The following SCN1A variants were observed in gnomAD, a reference collection of about 807,000 sequenced individuals.
The protein encoded by SCN1A is sodium channel protein type 1 subunit alpha.
In SCN1A, 13 loss-of-function variants were observed where a neutral mutation model predicts 193.7. That is an observed-to-expected ratio of 0.07 (90% CI 0.04 to 0.11). SCN1A has a LOEUF of 0.11. SCN1A is among the 10% of genes least tolerant of loss of function. The pLI, the probability that SCN1A is intolerant of heterozygous loss-of-function variation, is 1.00. For missense variants in SCN1A, 1,432 were observed against 2,451.1 expected, an observed-to-expected ratio of 0.58 and a Z score of 8.78; for synonymous variants, 781 against 843.6, an observed-to-expected ratio of 0.93 and a Z score of 1.29.
In SCN1A at chr2:166,046,458, G is replaced by T. The variant is rs548471691; in HGVS notation, c.1377+312C>A. ...ATAATTTCTTGTTCTAAGAAAAGAT[G>T]ATTTCCTCCTAATGCCAGTCTACTC... On this transcript the variant is annotated intron_variant, in intron 12 of 28. Coordinates refer to ENST00000674923, the MANE Select transcript of SCN1A (RefSeq NM_001165963.4). 2.0e-5 allele frequency among the ~76,000 whole-genome samples: 3 copies of T among 152,176 alleles called. No individual in the cohort carries two copies. In the South Asian group the frequency reaches 6.2e-4, roughly 32 times the overall value.
At chr2:166,143,797 T>C (rs1310997996) in intron 1 of SCN1A, among the ~76,000 whole-genome samples, 15 of 152,240 alleles carry the variant, frequency 9.9e-5, no homozygotes, top group Non-Finnish European at 1.5e-5. Context: ...TCAAAAAACT[T>C]TGAATAATTA....
At position 166,015,085 on chromosome 2, in the gene SCN1A, G is replaced by A. The variant is rs961070228; in HGVS notation, c.3550+522C>T. On this transcript the variant is annotated intron_variant, in intron 20 of 28. Coordinates refer to ENST00000674923, the MANE Select transcript of SCN1A (RefSeq NM_001165963.4). Reference sequence around the variant, plus strand: ...CAGACCACAGGAAATATTAGTTGTAGGAAAAACATATCTCTTCTATCTATT... The same window carrying A: ...CAGACCACAGGAAATATTAGTTGTAAGAAAAACATATCTCTTCTATCTATT... 2.6e-5 allele frequency among the ~76,000 whole-genome samples: 4 copies of A among 151,928 alleles called. No homozygotes were observed. In the East Asian group the frequency reaches 7.7e-4, roughly 29 times the overall value.
At position 165,991,443 on chromosome 2, in the gene SCN1A, T is replaced by A. The variant is rs1255900122; in HGVS notation, c.5832A>T (p.Lys1944Asn). ...GATTAGCCCCACCTTTGATTTTGTTTTTATTGTACGTAAAGGAAGCTTGTT... is the reference window on the plus strand; with the variant it reads ...GATTAGCCCCACCTTTGATTTTGTTATTATTGTACGTAAAGGAAGCTTGTT... Reference protein sequence around the residue: ...TVKQASFTYNKNKIKGGANLL... With the variant: ...TVKQASFTYNNNKIKGGANLL... Residue 1944 changes from lysine to asparagine, a missense_variant, in exon 29 of 29, where the codon AAA becomes AAT. Physicochemically the swap from Lys to Asn is moderately conservative, Grantham distance 94. Around this residue, in one of 18 missense-constraint regions of SCN1A, gnomAD observed 148 missense variants for 160.3 expected, o/e 0.92. Coordinates refer to ENST00000674923, the MANE Select transcript of SCN1A (RefSeq NM_001165963.4). 2 of 1,613,856 alleles carry A rather than the reference T, an allele frequency of 1.2e-6. No individual in the cohort carries two copies. The highest frequency in any genetic ancestry group is 3.3e-5 in the Admixed American group (2 of 59,936).
In SCN1A at chr2:166,030,451, G is replaced by A. The variant is rs576931980; in HGVS notation, c.3429+5597C>T. Among the ~76,000 whole-genome samples, 13 of 143,356 alleles carry A rather than the reference G, an allele frequency of 9.1e-5. No individual in the cohort carries two copies. The South Asian group carries it at 1.7e-3, about 18-fold the overall frequency. The allele number at this position is 143,356 out of a possible 152,430, so 94.0% of individuals were successfully genotyped here. A position where few individuals can be genotyped will look rare whatever the true frequency, so the allele number is the denominator to read the frequency against. ...CTCATTATTCTAGAGCTCACTCATC[G>A]CAAAAACAAATGTATTTCTTTTATA... On this transcript the variant is annotated intron_variant, in intron 19 of 28. Transcript: ENST00000674923.
intron 2 of SCN1A, among the ~76,000 whole-genome samples, chr2:166,121,364 A>G (rs1420098463): frequency 6.6e-6 from 1 of 152,180 alleles, no homozygotes; most frequent in African/African-American, 2.4e-5. Context: ...AGTTTCAGTT[A>G]CTTATTGTAA....
Position 166,084,931 on chromosome 2 carries a change from A to G in SCN1A, c.-141-7130T>C, listed in dbSNP as rs145341908. ...CCTCAGAATGTGGGCCATACAGTGG[A>G]TGAAGCCCTTTGTTTGGATTAAATG... On this transcript the variant is annotated intron_variant, in intron 2 of 28. Coordinates refer to ENST00000674923, the MANE Select transcript of SCN1A (RefSeq NM_001165963.4). 1.2e-4 allele frequency among the ~76,000 whole-genome samples: 19 copies of G among 152,304 alleles called. No individual in the cohort carries two copies. In the East Asian group the frequency reaches 2.5e-3, roughly 20 times the overall value.
rs1399391997 is a variant in SCN1A at position 166,073,395 on chromosome 2, G to A, written c.227C>T (p.Pro76Leu). Reference protein sequence around the residue: ...GDIPPEMVSEPLEDLDPYYIN... With the variant: ...GDIPPEMVSELLEDLDPYYIN... ...ATAGTAGGGGTCCAGGTCCTCCAGG[G>A]GCTCTGACACCATCTCTGGAGGAAT... The change falls in exon 4 of 29, where the codon CCC (proline) becomes CTC (leucine). Residue 76 changes from proline to leucine, a missense_variant. Pro to Leu is a moderately conservative substitution (Grantham distance 98). This residue lies in a region of SCN1A where 123 missense variants were observed against 282.8 expected (regional missense o/e 0.43). Coordinates refer to ENST00000674923, the MANE Select transcript of SCN1A (RefSeq NM_001165963.4). The A allele has an allele frequency of 6.2e-7, 1 of 1,614,046 alleles. No homozygotes were observed. The highest frequency in any genetic ancestry group is 2.2e-5 in the East Asian group (1 of 44,870).
At chr2:166,059,649 T>C (rs978252068) in intron 4 of SCN1A, 3 of 152,230 alleles carry the variant, frequency 2.0e-5, no homozygotes, top group Non-Finnish European at 2.9e-5. Context: ...TTTAAGCTTC[T>C]TGATTTTAAA....
chr2:166,017,346 T>C (rs1393985916), intron 19 of SCN1A, among the ~76,000 whole-genome samples: 1 of 151,910 alleles, frequency 6.6e-6, no homozygotes, highest in African/African-American at 2.4e-5. Context: ...TTAAAACATA[T>C]CCAGGAATAA....
At chr2:166,116,901 A>C (rs1385891600) in intron 2 of SCN1A, among the ~76,000 whole-genome samples, 1 of 152,200 alleles carries the variant, frequency 6.6e-6, no homozygotes, top group African/African-American at 2.4e-5. Context: ...TAATGGGATG[A>C]GTGCTTGGCT....
At chr2:166,098,767 C>T (rs542576850) in intron 2 of SCN1A, among the ~76,000 whole-genome samples, 7 of 152,004 alleles carry the variant, frequency 4.6e-5, no homozygotes, top group East Asian at 3.9e-4. Context: ...ACGATAGCCA[C>T]GAAAAGTATA....
At chr2:166,044,947 A>C in intron 13 of SCN1A, 96 bp downstream of exon 13, 1 of 1,302,766 alleles carries the variant, frequency 7.7e-7, no homozygotes, top group South Asian at 1.2e-5. Flanking sequence ...TGGTTGATTC[A>C]GTTGATAAAA....
chr2:166,096,585 GATC>G (rs1463318645), intron 2 of SCN1A, among the ~76,000 whole-genome samples: 2 of 152,232 alleles, frequency 1.3e-5, no homozygotes, highest in East Asian at 1.9e-4. Context: ...CAGCCTGAGA[GATC>G]ATGTTTTTTA....
chr2:166,037,409 G>A (rs1017751971), intron 18 of SCN1A, among the ~76,000 whole-genome samples: 1 of 151,922 alleles, frequency 6.6e-6, no homozygotes, highest in Non-Finnish European at 1.5e-5. Flanking sequence ...TCTCTTCCTT[G>A]GCTCTGAATT....
At chr2:166,138,590 A>T (rs761217894) in intron 1 of SCN1A, among the ~76,000 whole-genome samples, 1 of 152,198 alleles carries the variant, frequency 6.6e-6, no homozygotes, top group Non-Finnish European at 1.5e-5. Context: ...CTCTGCCTAG[A>T]TTTCAGAAGA....
chr2:166,078,705 T>C (rs1685210265), intron 2 of SCN1A, among the ~76,000 whole-genome samples: 1 of 151,696 alleles, frequency 6.6e-6, no homozygotes, highest in African/African-American at 2.4e-5. Context: ...CATAAAGATA[T>C]TAATTTTCCC....
rs757851017 is a variant in SCN1A at position 166,039,492 on chromosome 2, C to A, written c.2520G>T (p.Val840=). Residue 840 remains valine (V), a synonymous_variant, in exon 17 of 29, where the codon GTG becomes GTT. Coordinates refer to ENST00000674923, the MANE Select transcript of SCN1A (RefSeq NM_001165963.4). ...EGWNIFDGFI[V]TLSLVELGLA... is the part of the protein sequence containing the mutation. The stretch of plus-strand genomic sequence containing the variant: ...GTCCAAGTTCTACCAGGCTAAGCGT[C>A]ACAATAAAACCGTCAAAGATATTCC... The A allele has an allele frequency of 7.4e-6, 12 of 1,613,116 alleles. No homozygotes were observed. The highest frequency in any genetic ancestry group is 5.0e-5 in the Admixed American group (3 of 59,934).
chr2:166,102,217 C>G (rs965501561), intron 2 of SCN1A, among the ~76,000 whole-genome samples: 1 of 152,178 alleles, frequency 6.6e-6, no homozygotes, highest in Non-Finnish European at 1.5e-5. Context: ...AAGTCATGGG[C>G]GGGGCGCGGT....
chr2:166,139,830 C>A (rs1328491725), intron 1 of SCN1A, among the ~76,000 whole-genome samples: 2 of 152,096 alleles, frequency 1.3e-5, no homozygotes, highest in African/African-American at 2.4e-5. Context: ...GTCCCTCCCA[C>A]AACACATGGG....
Sources: gnomAD v4.1 joint callset for allele counts (sites outside exome capture counted in the v4.1 genomes callset) on GRCh38, gnomAD v4.1.1 for gene constraint, gnomAD v4.1.1 regional missense constraint, MANE v1.5 for transcripts, NCBI Gene and HGNC (gene_info 2026-07-23, HGNC 2026-07-21) for gene names.